The following PTPRH variants were observed in gnomAD, a reference collection of about 807,000 sequenced individuals.
The protein encoded by PTPRH is protein tyrosine phosphatase receptor type H.
PTPRH carries 113 observed loss-of-function variants against 130.2 expected under a neutral mutation model. The ratio of observed to expected loss-of-function variants is 0.87; its 90% CI spans 0.75 to 1.01. The LOEUF (loss-of-function observed/expected upper bound fraction) is 1.01, where lower values mean the gene tolerates loss of function less well. Ranked by LOEUF, PTPRH falls within the 50% of genes least tolerant of loss-of-function variation. PTPRH has a pLI of 0.00. For missense variants in PTPRH, 1,430 were observed against 1,425.0 expected, an observed-to-expected ratio of 1.00 and a Z score of -0.06; for synonymous variants, 556 against 577.9, an observed-to-expected ratio of 0.96 and a Z score of 0.54.
Position 55,206,804 on chromosome 19 carries a change from T to G in PTPRH, c.237A>C (p.Thr79=). Reference sequence around the variant, plus strand: ...CATCCACGGTGACGTTGGTGGCTGTTGTGTTTCGAGTCTCTGTTGTGCCGC... The same window carrying G: ...CATCCACGGTGACGTTGGTGGCTGTGGTGTTTCGAGTCTCTGTTGTGCCGC... ...GDGGTTETRN[T]TATNVTVDGL... The change falls in exon 3 of 20, where the codon ACA becomes ACC. Residue 79 remains threonine (T), a synonymous_variant. Transcript: ENST00000376350. 6.2e-7 allele frequency: 1 copy of G among 1,613,976 alleles called. No homozygotes were observed. Among genetic ancestry groups the G allele is most frequent in the Non-Finnish European group, 8.5e-7 (1 of 1,179,854 alleles).
Position 55,202,219 on chromosome 19 carries a change from G to C in PTPRH, c.990C>G (p.Tyr330Ter), listed in dbSNP as rs771110471. The change falls in exon 6 of 20, where the codon TAC becomes TAG. Residue 330 changes from tyrosine (Y) to a stop codon, truncating the protein, a stop_gained. Transcript: ENST00000376350. LOFTEE classifies it high-confidence loss of function. Reference protein sequence around the residue: ...PDGPDPQNSTYGVEYTGDGGR... With the variant: ...PDGPDPQNST ...CACCATCTCCAGTGTACTCAACCCCGTAGGTGGAGTTCTGTGGGTCTGGGC... is the reference window on the plus strand; with the variant it reads ...CACCATCTCCAGTGTACTCAACCCCCTAGGTGGAGTTCTGTGGGTCTGGGC... 6.2e-7 allele frequency: 1 copy of C among 1,614,048 alleles called. No homozygotes were observed. Among genetic ancestry groups the C allele is most frequent in the Non-Finnish European group, 8.5e-7 (1 of 1,180,024 alleles).
chr19:55,204,200 G>A (rs45540733), intron 4 of PTPRH, 152 bp from the exon 5 acceptor site: 44,966 of 851,508 alleles, frequency 0.053, 1,569 homozygotes, highest in African/African-American at 0.13. Flanking sequence ...GCTCACCACA[G>A]CCTCCGCCGT....
chr19:55,204,727 A>G (rs572458824), intron 4 of PTPRH, among the ~76,000 whole-genome samples: 1 of 152,274 alleles, frequency 6.6e-6, no homozygotes, highest in East Asian at 1.9e-4. Flanking sequence ...GAGCTTCTGC[A>G]ACGATGGAAA....
intron 14 of PTPRH, among the ~76,000 whole-genome samples, chr19:55,186,866 G>T (rs1322260954): frequency 6.6e-6 from 1 of 152,030 alleles, no homozygotes; most frequent in Non-Finnish European, 1.5e-5. Flanking sequence ...CCAACATGGT[G>T]AAACCCGGTC....
intron 7 of PTPRH, among the ~76,000 whole-genome samples, 198 bp from the exon 8 acceptor site, chr19:55,199,110 G>T (rs1326174544): frequency 1.3e-5 from 2 of 152,146 alleles, no homozygotes; most frequent in Non-Finnish European, 2.9e-5. Flanking sequence ...TTTGATACCA[G>T]CCTGAGCAAA....
rs766009054 is a variant in PTPRH, at chr19:55,205,576, C to G, written c.369G>C (p.Arg123Ser). 1.2e-6 allele frequency: 2 copies of G among 1,614,040 alleles called. No homozygotes were observed. Among genetic ancestry groups the G allele is most frequent in the Admixed American group, 3.3e-5 (2 of 60,000 alleles). ...VTTATAPNPV[R>S]NLRVEAQTNS... ...TGGTCTGAGCCTCCACTCTCAGGTT[C>G]CTCACTGGGTTGGGAGCTGAAAACC... The change falls in exon 4 of 20, where the codon AGG (arginine) becomes AGC (serine). Residue 123 changes from arginine to serine, a missense_variant. By Grantham distance (110) the Arg-to-Ser change is moderately radical. Transcript: ENST00000376350.
At chr19:55,198,533 C>T in intron 8 of PTPRH, 110 bp downstream of exon 8, 3 of 1,209,216 alleles carry the variant, frequency 2.5e-6, no homozygotes, top group Non-Finnish European at 3.3e-6. Context: ...GCCGGTGAGG[C>T]TGGAGAGGCC....
At position 55,197,362 on chromosome 19, in the gene PTPRH, A is replaced by G. The variant is rs146042270; in HGVS notation, c.1745T>C (p.Met582Thr). 5 of 1,614,074 alleles carry G rather than the reference A, an allele frequency of 3.1e-6. No individual in the cohort carries two copies. Among genetic ancestry groups the G allele is most frequent in the Non-Finnish European group, 4.2e-6 (5 of 1,180,000 alleles). ...GTCTCCAGGGGCCTTCCACCACAGCATGACTGAGTTCTTAGTCTGAGTTTC... is the reference window on the plus strand; with the variant it reads ...GTCTCCAGGGGCCTTCCACCACAGCGTGACTGAGTTCTTAGTCTGAGTTTC... ...QNETQTKNSV[M>T]LWWKAPGDPH... The change falls in exon 9 of 20, where the codon ATG becomes ACG. Residue 582 changes from methionine (M) to threonine (T), a missense_variant. Coordinates refer to ENST00000376350, the MANE Select transcript of PTPRH (RefSeq NM_002842.5).
intron 9 of PTPRH, 69 bp from the exon 10 acceptor site, chr19:55,196,857 CCA>C (rs2086698482): frequency 6.5e-7 from 1 of 1,549,972 alleles, no homozygotes; most frequent in South Asian, 1.2e-5. Flanking sequence ...ACCCCTACCC[CCA>C]GTTTTCTGAG....
At chr19:55,201,807 G>A (rs1351845018) in intron 6 of PTPRH, among the ~76,000 whole-genome samples, 3 of 152,206 alleles carry the variant, frequency 2.0e-5, no homozygotes, top group Admixed American at 6.5e-5. Flanking sequence ...GTGCAGGAAG[G>A]TGCCCCTTGG....
chr19:55,185,830 C>T, intron 17 of PTPRH, 32 bp downstream of exon 17: 1 of 1,613,858 alleles, frequency 6.2e-7, no homozygotes, highest in Non-Finnish European at 8.5e-7. Context: ...CAGGGGAAGG[C>T]TGAGGGCCAG....
At chr19:55,189,911 T>C (rs2086475894) in intron 12 of PTPRH, 1 of 360,084 alleles carries the variant, frequency 2.8e-6, no homozygotes, top group Non-Finnish European at 5.5e-6. Context: ...GGAGGGTCAC[T>C]TGAGCCCAGG....
chr19:55,200,402 G>A lies in PTPRH; in HGVS notation c.1254C>T (p.Thr418=). 6.2e-7 allele frequency: 1 copy of A among 1,614,218 alleles called. No individual in the cohort carries two copies. Among genetic ancestry groups the A allele is most frequent in the Middle Eastern group, 1.6e-4 (1 of 6,062 alleles). ...CGTCTCCAGTGTACTCTACCCAGTA[G>A]GTGTAGTCCTGAGGGTATGGGCCAT... ...VPDGPYPQDY[T]YWVEYTGDGG... The change falls in exon 7 of 20, where the codon ACC becomes ACT. Residue 418 remains threonine, a synonymous_variant. Coordinates refer to ENST00000376350, the MANE Select transcript of PTPRH (RefSeq NM_002842.5).
chr19:55,207,626 CTCTGGTTTGAGGGAGGAGAGGT>C (rs2087113343), intron 1 of PTPRH, among the ~76,000 whole-genome samples: 3 of 125,952 alleles, frequency 2.4e-5, no homozygotes, highest in Non-Finnish European at 5.1e-5. Context: ...GGGTCTCGAC[CTCTGGTTTGAGGGAGGAGAGGT>C]TGGGGGCCTG....
chr19:55,186,447 C>G lies in PTPRH; in HGVS notation c.2643+17G>C. ...CAGGCGTGCTGGGCACCCTTTCAAT[C>G]CCAACCACGACCTTACGGGCATGAA... is the stretch of plus-strand genomic sequence containing the variant. On this transcript the variant is annotated intron_variant, in intron 15 of 19. Transcript: ENST00000376350. The G allele has an allele frequency of 6.2e-7, 1 of 1,613,870 alleles. No individual in the cohort carries two copies. The highest frequency in any genetic ancestry group is 8.5e-7 in the Non-Finnish European group (1 of 1,179,926).
rs2087096759 is a variant in PTPRH, at chr19:55,207,213, A to C, written c.52-14T>G. 2 of 1,612,352 alleles carry C rather than the reference A, an allele frequency of 1.2e-6. No individual in the cohort carries two copies. The highest frequency in any genetic ancestry group is 1.7e-6 in the Non-Finnish European group (2 of 1,179,268). ...GCTGCACAGGCCCTGGAGGGAACCC[A>C]GAGAAAACGGAGTCAGCCTCTCAAC... On this transcript the variant is annotated splice_polypyrimidine_tract_variant and intron_variant, in intron 1 of 19. Transcript: ENST00000376350.
At chr19:55,193,906 T>G (rs78431323) in intron 10 of PTPRH, 17,936 of 232,884 alleles carry the variant, frequency 0.077, 1,581 homozygotes, top group Admixed American at 0.26. Flanking sequence ...CGGAGTGCAA[T>G]GGTGCAATCC....
Position 55,197,130 on chromosome 19 carries a change from G to T in PTPRH, c.1977C>A (p.Leu659=), listed in dbSNP as rs766842011. The T allele has an allele frequency of 1.9e-6, 3 of 1,614,100 alleles. No homozygotes were observed. The part of the protein sequence containing the change: ...RNDVASSTQS[L]CASTYPDTVT... ...GGGGATTCTCACATGTGGACGCACA[G>T]AGGCTCTGCGTGGAACTGGCTACGT... Residue 659 remains leucine (L), a synonymous_variant, in exon 9 of 20, where the codon CTC becomes CTA. Coordinates refer to ENST00000376350, the MANE Select transcript of PTPRH (RefSeq NM_002842.5).
chr19:55,189,043 T>C (rs1476563491), intron 12 of PTPRH, among the ~76,000 whole-genome samples: 1 of 152,178 alleles, frequency 6.6e-6, no homozygotes, highest in Non-Finnish European at 1.5e-5. Flanking sequence ...TGGAGTGCAG[T>C]GGTGTGATCT....
Sources: allele counts gnomAD v4.1 joint callset (sites outside exome capture counted in the v4.1 genomes callset), GRCh38; gene constraint gnomAD v4.1.1; transcripts MANE v1.5; gene names NCBI Gene and HGNC (gene_info 2026-07-23, HGNC 2026-07-21).